SORCS3: variants seen among roughly 807,000 people sequenced by gnomAD.
The protein encoded by SORCS3 is sortilin related VPS10 domain containing receptor 3.
In SORCS3, 57 loss-of-function variants were observed where a neutral mutation model predicts 146.3. The ratio of observed to expected loss-of-function variants is 0.39; its 90% confidence interval spans 0.31 to 0.49. The LOEUF is 0.49. Among genes scored for constraint, SORCS3 ranks in the 20% least tolerant of loss-of-function variants. The pLI, the probability that SORCS3 is intolerant of heterozygous loss-of-function variation, is 0.92. For synonymous variants in SORCS3, 653 were observed against 618.5 expected (o/e 1.06, Z -0.83); for missense variants, 1,341 against 1,575.5 (o/e 0.85, Z 2.52).
chr10:105,111,696 C>A (rs938707207), intron 7 of SORCS3, among the ~76,000 whole-genome samples: 1 of 152,084 alleles, frequency 6.6e-6, no homozygotes, highest in African/African-American at 2.4e-5. Flanking sequence ...ACATTCAGCC[C>A]AGTGGGAAAT....
Position 105,108,224 on chromosome 10 carries a change from G to A in SORCS3, c.1212+2709G>A, listed in dbSNP as rs535854575. 1.6e-4 allele frequency among the ~76,000 whole-genome samples: 25 copies of A among 152,238 alleles called. 1 individual carries two copies. Among genetic ancestry groups the A allele is most frequent in the East Asian group, 7.7e-4 (4 of 5,168 alleles). On this transcript the variant is annotated intron_variant, in intron 7 of 26. Coordinates refer to ENST00000369701, the MANE Select transcript of SORCS3 (RefSeq NM_014978.3). ...GAAGATAGTGCAGTCAGAGAGGAGC[G>A]TGGAGCCAGGTTGTCAGGCCTTGGC... is the stretch of plus-strand genomic sequence containing the variant.
intron 4 of SORCS3, among the ~76,000 whole-genome samples, chr10:105,006,300 T>G (rs1484119284): frequency 6.6e-6 from 1 of 152,204 alleles, no homozygotes; most frequent in Non-Finnish European, 1.5e-5. Context: ...CTTCATTTCA[T>G]ACCCTGCAAT....
chr10:105,204,700 CA>C (rs11386103), intron 16 of SORCS3, among the ~76,000 whole-genome samples: 4 of 146,356 alleles, frequency 2.7e-5, no homozygotes, highest in African/African-American at 7.5e-5. Flanking sequence ...AGAACACAAA[CA>C]AAAAAAAAAC....
At chr10:105,251,567 G>A (rs558914000) in intron 22 of SORCS3, among the ~76,000 whole-genome samples, 1 of 152,256 alleles carries the variant, frequency 6.6e-6, no homozygotes, top group South Asian at 2.1e-4. Context: ...GGAGATCACT[G>A]CAGGTAGAGA....
chr10:105,060,852 C>T (rs963852880), intron 5 of SORCS3, among the ~76,000 whole-genome samples: 3 of 151,734 alleles, frequency 2.0e-5, no homozygotes, highest in Non-Finnish European at 4.4e-5. Context: ...CAGGAGAATC[C>T]CTTCAACCCG....
intron 6 of SORCS3, among the ~76,000 whole-genome samples, chr10:105,100,853 G>A (rs1408674793): frequency 5.9e-5 from 9 of 152,172 alleles, no homozygotes; most frequent in Non-Finnish European, 2.9e-5. Flanking sequence ...TATCCACAAT[G>A]TGCTAAACAA....
At chr10:105,140,540 A>G (rs2056087873) in intron 8 of SORCS3, among the ~76,000 whole-genome samples, 1 of 152,206 alleles carries the variant, frequency 6.6e-6, no homozygotes, top group Non-Finnish European at 1.5e-5. Context: ...ATCTTGACAT[A>G]AAAGGTGGTT....
chr10:105,035,656 C>T lies in SORCS3; in HGVS notation c.955-7399C>T, dbSNP rs186275866. 9.4e-3 allele frequency among the ~76,000 whole-genome samples: 1,436 copies of T among 151,970 alleles called. 18 individuals are homozygous for T. Among genetic ancestry groups the T allele is most frequent in the African/African-American group, 0.032 (1,336 of 41,462 alleles). ...CTAATTTTTGTATTTTTAGTAGAGACGGGGTTTCACCATGTTGGCCAGGAT... is the reference window on the plus strand; with the variant it reads ...CTAATTTTTGTATTTTTAGTAGAGATGGGGTTTCACCATGTTGGCCAGGAT... On this transcript the variant is annotated intron_variant, in intron 4 of 26. Coordinates refer to ENST00000369701, the MANE Select transcript of SORCS3 (RefSeq NM_014978.3).
At chr10:105,118,641 A>T (rs1158711808) in intron 7 of SORCS3, among the ~76,000 whole-genome samples, 1 of 152,156 alleles carries the variant, frequency 6.6e-6, no homozygotes, top group Non-Finnish European at 1.5e-5. Context: ...CAAATTGCTG[A>T]TAGTGATATG....
chr10:104,807,143 G>GTTGACT (rs2017686906), intron 1 of SORCS3, among the ~76,000 whole-genome samples: 1 of 127,724 alleles, frequency 7.8e-6, no homozygotes, highest in Admixed American at 7.4e-5. Flanking sequence ...TTTAAGAAAT[G>GTTGACT]GTCTGCTCTT....
chr10:105,116,208 T>A (rs996175393), intron 7 of SORCS3, among the ~76,000 whole-genome samples: 7 of 152,224 alleles, frequency 4.6e-5, no homozygotes, highest in Non-Finnish European at 7.3e-5. Context: ...CCATCTCACA[T>A]CCTTCCAGCT....
At chr10:104,795,191 T>C (rs2017541009) in intron 1 of SORCS3, among the ~76,000 whole-genome samples, 1 of 152,176 alleles carries the variant, frequency 6.6e-6, no homozygotes, top group Non-Finnish European at 1.5e-5. Context: ...AATACTCGGG[T>C]ATGGCTACAC....
chr10:104,923,864 CTATG>C (rs2019112231), intron 3 of SORCS3, among the ~76,000 whole-genome samples: 1 of 152,130 alleles, frequency 6.6e-6, no homozygotes. Context: ...CAACAAGTGT[CTATG>C]ATAATAATGA....
At chr10:105,019,426 A>G (rs576468123) in intron 4 of SORCS3, among the ~76,000 whole-genome samples, 6 of 144,758 alleles carry the variant, frequency 4.1e-5, no homozygotes, top group Admixed American at 4.0e-4. Flanking sequence ...CATATACTTC[A>G]TGTTTTAGAC....
At chr10:104,676,076 G>A (rs187715386) in intron 1 of SORCS3, among the ~76,000 whole-genome samples, 14 of 152,210 alleles carry the variant, frequency 9.2e-5, no homozygotes, top group Middle Eastern at 3.4e-3. Flanking sequence ...CCTTAAGTGG[G>A]AATTTAAAAT....
intron 4 of SORCS3, among the ~76,000 whole-genome samples, chr10:105,016,591 A>T (rs1203427297): frequency 6.6e-6 from 1 of 152,166 alleles, no homozygotes; most frequent in African/African-American, 2.4e-5. Flanking sequence ...AACAAAAAAT[A>T]GCTGTCAATT....
intron 20 of SORCS3, among the ~76,000 whole-genome samples, chr10:105,229,549 G>A (rs1018105655): frequency 6.6e-6 from 1 of 152,182 alleles, no homozygotes; most frequent in Non-Finnish European, 1.5e-5. Flanking sequence ...GGTGTTGGTT[G>A]AATAGGGCAC....
intron 1 of SORCS3, among the ~76,000 whole-genome samples, chr10:104,688,653 T>C (rs565531912): frequency 1.3e-4 from 20 of 152,318 alleles, no homozygotes; most frequent in African/African-American, 4.8e-4. Context: ...CTTTCCTCTT[T>C]TCTTCCTCCC....
At chr10:104,652,500 T>G (rs1233612694) in intron 1 of SORCS3, among the ~76,000 whole-genome samples, 2 of 152,192 alleles carry the variant, frequency 1.3e-5, no homozygotes, top group African/African-American at 2.4e-5. Context: ...GTTGTTAGTT[T>G]ACCTCACCTC....
Sources: allele counts gnomAD v4.1 joint callset (sites outside exome capture counted in the v4.1 genomes callset), GRCh38; gene constraint gnomAD v4.1.1; transcripts MANE v1.5; gene names NCBI Gene and HGNC (gene_info 2026-07-23, HGNC 2026-07-21).